The following RABGAP1 variants were observed in gnomAD, a reference collection of about 807,000 sequenced individuals.
RABGAP1 encodes the protein RAB GTPase activating protein 1.
Under a neutral mutation model 137.6 loss-of-function variants are expected in RABGAP1, and 23 were observed. The ratio of observed to expected loss-of-function variants is 0.17; its 90% confidence interval spans 0.12 to 0.24. RABGAP1 has a LOEUF of 0.24. RABGAP1 is among the 10% of genes least tolerant of loss of function. The pLI is 1.00. For missense variants in RABGAP1, 906 were observed against 1,275.8 expected (o/e 0.71, Z 4.42); for synonymous variants, 451 against 450.7 (o/e 1.00, Z -0.01).
At chr9:123,041,763 C>A (rs912492584) in intron 13 of RABGAP1, among the ~76,000 whole-genome samples, 2 of 152,120 alleles carry the variant, frequency 1.3e-5, no homozygotes, top group Non-Finnish European at 2.9e-5. Flanking sequence ...AAAGAAACAG[C>A]CTGATTTGTC....
intron 23 of RABGAP1, 70 bp downstream of exon 23, chr9:123,098,868 G>A (rs1331851370): frequency 1.6e-5 from 15 of 961,662 alleles, no homozygotes; most frequent in Admixed American, 2.6e-5. Context: ...ATGTATACCC[G>A]CCCCCCACCC....
At chr9:123,090,664 C>A (rs1337555641) in intron 21 of RABGAP1, among the ~76,000 whole-genome samples, 1 of 152,210 alleles carries the variant, frequency 6.6e-6, no homozygotes, top group African/African-American at 2.4e-5. Flanking sequence ...TTAATTCTTA[C>A]ATTACTATAA....
In RABGAP1 at chr9:122,977,251, T is replaced by C. The variant is rs537175547; in HGVS notation, c.151-7234T>C. On this transcript the variant is annotated intron_variant, in intron 2 of 25. Transcript: ENST00000373647. ...GTAGGCTTACGTAAAATGAAAGAGG[T>C]TGTCCTAAGGTATTAGCTATGCAGA... Among the ~76,000 whole-genome samples, 3 of 152,150 alleles carry C rather than the reference T, an allele frequency of 2.0e-5. No individual in the cohort carries two copies. The South Asian group carries it at 6.2e-4, about 32-fold the overall frequency.
chr9:123,034,660 G>A lies in RABGAP1; in HGVS notation c.1794+14201G>A, dbSNP rs202218426. ...AACTGTCAATTTTTGCCTTTTGGAA[G>A]TATTGATTATTGTCTTTCTAACTGT... On this transcript the variant is annotated intron_variant, in intron 13 of 25. Transcript: ENST00000373647. The A allele has an allele frequency of 1.7e-5, 27 of 1,613,276 alleles. No individual in the cohort carries two copies. The East Asian group carries it at 3.3e-4, about 20-fold the overall frequency.
rs2035418209 is a variant in RABGAP1, at chr9:123,103,846, T to G, written c.*633T>G. 6.6e-6 allele frequency: 1 copy of G among 151,844 alleles called. No individual in the cohort carries two copies. Among genetic ancestry groups the G allele is most frequent in the Admixed American group, 6.6e-5 (1 of 15,172 alleles). The allele number at this position is 151,844 out of a possible 1,614,324, so 9.4% of individuals were successfully genotyped here. A position where few individuals can be genotyped will look rare whatever the true frequency, so the allele number is the denominator to read the frequency against. The stretch of plus-strand genomic sequence containing the variant: ...GTTTCTGATCAATTCTATGCAACTC[T>G]CATAGTTCCTGTTACTTTTTAGCAT... On this transcript the variant is annotated 3_prime_UTR_variant, in exon 26 of 26. Coordinates refer to ENST00000373647, the MANE Select transcript of RABGAP1 (RefSeq NM_012197.4).
chr9:123,016,644 GTA>G lies in RABGAP1; in HGVS notation c.1643+1012_1643+1013del, dbSNP rs945124595. ...CCTTTTCTCCTTGAATAGGATGCCAGTATATGCTGAAAAAAGCTGAGCTTGGA... is the reference window on the plus strand; with the variant it reads ...CCTTTTCTCCTTGAATAGGATGCCAGTATGCTGAAAAAAGCTGAGCTTGGA... On this transcript the variant is annotated intron_variant, in intron 12 of 25. Transcript: ENST00000373647. 5.0e-4 allele frequency among the ~76,000 whole-genome samples: 76 copies of G among 152,296 alleles called. 1 individual carries two copies. Among genetic ancestry groups the G allele is most frequent in the African/African-American group, 1.8e-3 (75 of 41,560 alleles).
intron 10 of RABGAP1, among the ~76,000 whole-genome samples, chr9:123,008,544 CAAAA>C (rs34127466): frequency 3.8e-5 from 2 of 53,126 alleles, no homozygotes; most frequent in African/African-American, 7.0e-5. Context: ...GACTCCATCT[CAAAA>C]AAAAAAAAAA....
chr9:123,029,259 A>G (rs72753268), intron 13 of RABGAP1: 11,490 of 494,162 alleles, frequency 0.023, 211 homozygotes, highest in Non-Finnish European at 0.028. Flanking sequence ...CAGTTACATA[A>G]ATAAACTCAC....
At chr9:122,932,169 C>A in the RABGAP1 span, among the ~76,000 whole-genome samples, 7 of 152,212 alleles carry the variant, frequency 4.6e-5, no homozygotes, top group Non-Finnish European at 1.0e-4. Context: ...TTCTAGAGTT[C>A]TTTTCCTTGC....
At chr9:123,066,498 C>T (rs1435238218) in intron 14 of RABGAP1, among the ~76,000 whole-genome samples, 1 of 152,214 alleles carries the variant, frequency 6.6e-6, no homozygotes, top group Non-Finnish European at 1.5e-5. Flanking sequence ...CTCTTCCTTG[C>T]AGAGCTTTCT....
intron 14 of RABGAP1, among the ~76,000 whole-genome samples, chr9:123,065,927 G>A (rs767772439): frequency 2.0e-5 from 3 of 152,152 alleles, no homozygotes; most frequent in Non-Finnish European, 2.9e-5. Flanking sequence ...GTCTGTACCC[G>A]AACACTAAAG....
At chr9:122,935,358 G>A in the RABGAP1 span, among the ~76,000 whole-genome samples, 1 of 146,964 alleles carries the variant, frequency 6.8e-6, no homozygotes, top group African/African-American at 2.5e-5. Context: ...TTTTTTTTTT[G>A]AGACAGTCTC....
chr9:122,986,631 T>C (rs1836385646), intron 4 of RABGAP1, among the ~76,000 whole-genome samples: 1 of 152,228 alleles, frequency 6.6e-6, no homozygotes, highest in African/African-American at 2.4e-5. Context: ...CCCGATCATG[T>C]GTAGTACATT....
At chr9:122,984,135 T>G (rs1468282013) in intron 2 of RABGAP1, among the ~76,000 whole-genome samples, 1 of 152,216 alleles carries the variant, frequency 6.6e-6, no homozygotes, top group African/African-American at 2.4e-5. Flanking sequence ...CACTAAGATG[T>G]TCTTCTTAAA....
intron 6 of RABGAP1, among the ~76,000 whole-genome samples, chr9:122,993,178 T>A (rs1313601157): frequency 6.6e-6 from 1 of 152,174 alleles, no homozygotes; most frequent in Admixed American, 6.6e-5. Context: ...AACACAAGAT[T>A]TACTGTGGTT....
intron 2 of RABGAP1, among the ~76,000 whole-genome samples, chr9:122,975,034 C>G (rs1275687565): frequency 2.6e-5 from 4 of 152,200 alleles, no homozygotes; most frequent in Admixed American, 2.6e-4. Flanking sequence ...TTATAAGTAA[C>G]ATACATACTT....
At chr9:123,088,172 T>A (rs907149211) in intron 19 of RABGAP1, among the ~76,000 whole-genome samples, 1 of 151,976 alleles carries the variant, frequency 6.6e-6, no homozygotes, top group Non-Finnish European at 1.5e-5. Context: ...CACCTCAGCC[T>A]CCAGAGTAGC....
chr9:122,943,502 A>G (rs192980703), intron 1 of RABGAP1, among the ~76,000 whole-genome samples: 10 of 152,310 alleles, frequency 6.6e-5, no homozygotes, highest in African/African-American at 2.2e-4. Flanking sequence ...TTTTGTTTGC[A>G]GTTTATAAGA....
At chr9:123,003,499 A>G (rs1370796750) in intron 10 of RABGAP1, among the ~76,000 whole-genome samples, 2 of 152,254 alleles carry the variant, frequency 1.3e-5, no homozygotes, top group Non-Finnish European at 2.9e-5. Context: ...AAAAGGAAAC[A>G]ATGCTACAAA....
Sources: allele counts gnomAD v4.1 joint callset (sites outside exome capture counted in the v4.1 genomes callset), GRCh38; gene constraint gnomAD v4.1.1; transcripts MANE v1.5; gene names NCBI Gene and HGNC (gene_info 2026-07-23, HGNC 2026-07-21).